The following CBLB variants were observed in gnomAD, a reference collection of about 807,000 sequenced individuals.
CBLB encodes the protein Cbl proto-oncogene B, also known as E3 ubiquitin-protein ligase CBL-B.
CBLB carries 31 observed loss-of-function variants against 104.9 expected under a neutral mutation model. The observed-to-expected ratio is 0.30, with a 90% CI of 0.22 to 0.40. CBLB has a LOEUF of 0.40. Among genes scored for constraint, CBLB ranks in the 10% least tolerant of loss-of-function variants. The pLI, the probability that CBLB is intolerant of heterozygous loss-of-function variation, is 1.00. For missense variants in CBLB, 1,062 were observed against 1,214.6 expected (o/e 0.87, Z 1.87); for synonymous variants, 440 against 422.6 (o/e 1.04, Z -0.51).
At chr3:105,670,924 T>A (rs1392018197) in intron 17 of CBLB, 1 of 163,696 alleles carries the variant, frequency 6.1e-6, no homozygotes, top group Non-Finnish European at 1.3e-5. Flanking sequence ...CTTAACATCA[T>A]TGTTGTTAGT....
In CBLB at chr3:105,658,667, C is replaced by A; in HGVS notation, c.*303G>T. 1 of 435,180 alleles carries A rather than the reference C, an allele frequency of 2.3e-6. No individual in the cohort carries two copies. Among genetic ancestry groups the A allele is most frequent in the South Asian group, 3.4e-5 (1 of 29,032 alleles). 27.0% of individuals were successfully genotyped at this position (435,180 alleles called of 1,614,324 possible). A position where few individuals can be genotyped will look rare whatever the true frequency, so the allele number is the denominator to read the frequency against. ...AAACAAGAACAAACTGCAACTTTGCCAAACTGTAAACAAGGTAAAGCATTT... is the reference window on the plus strand; with the variant it reads ...AAACAAGAACAAACTGCAACTTTGCAAAACTGTAAACAAGGTAAAGCATTT... On this transcript the variant is annotated 3_prime_UTR_variant, in exon 19 of 19. Coordinates refer to ENST00000394030, the MANE Select transcript of CBLB (RefSeq NM_170662.5).
chr3:105,668,771 T>C (rs1352649569), intron 18 of CBLB, among the ~76,000 whole-genome samples: 2 of 152,186 alleles, frequency 1.3e-5, no homozygotes, highest in African/African-American at 4.8e-5. Context: ...CAGGGATTTC[T>C]GCATCTCCCA....
In CBLB at chr3:105,720,159, C is replaced by G; in HGVS notation, c.1295G>C (p.Gly432Ala). Residue 432 changes from glycine (G) to alanine (A), a missense_variant, in exon 10 of 19, where the codon GGC (glycine) becomes GCC (alanine). Physicochemically the swap from Gly to Ala is moderately conservative, Grantham distance 60. Transcript: ENST00000394030. Reference sequence around the variant, plus strand: ...GTCAATGATGCTGCAACACCTGGAGCCTTCATCTCTTGGATCAAAGGGGTC... The same window carrying G: ...GTCAATGATGCTGCAACACCTGGAGGCTTCATCTCTTGGATCAAAGGGGTC... ...IVDPFDPRDEGSRCCSIIDPF... is the reference protein window; with the variant it reads ...IVDPFDPRDEASRCCSIIDPF... 6.2e-7 allele frequency: 1 copy of G among 1,613,878 alleles called. No homozygotes were observed. Among genetic ancestry groups the G allele is most frequent in the Non-Finnish European group, 8.5e-7 (1 of 1,179,900 alleles).
chr3:105,853,380 C>T (rs1560536050), intron 3 of CBLB, 34 bp downstream of exon 3: 1 of 1,610,346 alleles, frequency 6.2e-7, no homozygotes, highest in South Asian at 1.1e-5. Flanking sequence ...CATAAATGAC[C>T]TTTACACCAA....
intron 13 of CBLB, among the ~76,000 whole-genome samples, chr3:105,691,048 G>C (rs1482275959): frequency 6.6e-6 from 1 of 152,164 alleles, no homozygotes; most frequent in Admixed American, 6.5e-5. Context: ...AATAAAAAAT[G>C]TCAAAATGTT....
chr3:105,863,090 T>G (rs2092223343), intron 2 of CBLB, among the ~76,000 whole-genome samples: 1 of 152,186 alleles, frequency 6.6e-6, no homozygotes, highest in Non-Finnish European at 1.5e-5. Context: ...AGAAATAGAT[T>G]CAAAATCTCA....
At chr3:105,673,696 T>C (rs1360144497) in intron 17 of CBLB, 1 of 152,220 alleles carries the variant, frequency 6.6e-6, no homozygotes, top group East Asian at 1.9e-4. Context: ...CAGTGTCAGA[T>C]AACTCACTAC....
intron 4 of CBLB, among the ~76,000 whole-genome samples, chr3:105,757,908 T>C (rs1425998400): frequency 6.6e-6 from 1 of 152,198 alleles, no homozygotes; most frequent in African/African-American, 2.4e-5. Flanking sequence ...TGTCAGAAAA[T>C]TCACCTTGAT....
intron 3 of CBLB, among the ~76,000 whole-genome samples, chr3:105,825,179 C>G (rs1312605389): frequency 2.6e-5 from 4 of 152,156 alleles, no homozygotes; most frequent in African/African-American, 9.7e-5. Flanking sequence ...CACTGAGAGC[C>G]TGTAACATAT....
chr3:105,862,863 T>C (rs745339500), intron 2 of CBLB, among the ~76,000 whole-genome samples: 2 of 152,064 alleles, frequency 1.3e-5, no homozygotes, highest in African/African-American at 2.4e-5. Flanking sequence ...ACCTCCTCCA[T>C]GCTTCATTCT....
chr3:105,782,851 C>T (rs1208866215), intron 3 of CBLB, among the ~76,000 whole-genome samples: 1 of 152,108 alleles, frequency 6.6e-6, no homozygotes, highest in South Asian at 2.1e-4. Context: ...GGATTACAGG[C>T]GTGAGCCAAC....
intron 4 of CBLB, among the ~76,000 whole-genome samples, chr3:105,771,833 G>A (rs1020448636): frequency 1.3e-5 from 2 of 152,032 alleles, no homozygotes; most frequent in Non-Finnish European, 2.9e-5. Context: ...TAACCAAGGA[G>A]GTGAAAGATC....
chr3:105,656,756 T>C lies in CBLB; in HGVS notation c.*2214A>G. ...TCTCTAACATTCTTATTTTACATCA[T>C]TCTCTAATATATTAGGAATGTTGCA... On this transcript the variant is annotated 3_prime_UTR_variant, in exon 19 of 19. Coordinates refer to ENST00000394030, the MANE Select transcript of CBLB (RefSeq NM_170662.5). 5.1e-6 allele frequency: 1 copy of C among 196,450 alleles called. No homozygotes were observed. Among genetic ancestry groups the C allele is most frequent in the East Asian group, 8.0e-5 (1 of 12,504 alleles). The allele number at this position is 196,450 out of a possible 1,614,324, so 12.2% of individuals were successfully genotyped here. A position where few individuals can be genotyped will look rare whatever the true frequency, so the allele number is the denominator to read the frequency against.
At chr3:105,686,449 AG>A (rs2067013361) in intron 13 of CBLB, among the ~76,000 whole-genome samples, 1 of 149,786 alleles carries the variant, frequency 6.7e-6, no homozygotes, top group South Asian at 2.1e-4. Context: ...TTAAAAAGGA[AG>A]GAAAAAAAAA....
intron 9 of CBLB, among the ~76,000 whole-genome samples, chr3:105,733,578 C>T (rs528267782): frequency 3.7e-4 from 56 of 152,218 alleles, no homozygotes; most frequent in African/African-American, 1.0e-3. Flanking sequence ...TTCAGCACTA[C>T]GGAGCATATG....
intron 1 of CBLB, chr3:105,868,230 A>C: frequency 8.1e-7 from 1 of 1,232,358 alleles, no homozygotes; most frequent in Non-Finnish European, 1.0e-6. Flanking sequence ...TAACACACAA[A>C]TAGCCCATTT....
At chr3:105,771,781 C>T (rs1350331248) in intron 4 of CBLB, among the ~76,000 whole-genome samples, 1 of 151,976 alleles carries the variant, frequency 6.6e-6, no homozygotes, top group Non-Finnish European at 1.5e-5. Flanking sequence ...ATCCCCTTTG[C>T]AACAGCTGAA....
intron 18 of CBLB, among the ~76,000 whole-genome samples, chr3:105,668,948 T>C (rs146757077): frequency 6.6e-6 from 1 of 152,306 alleles, no homozygotes; most frequent in South Asian, 2.1e-4. Context: ...AAAGTTCATA[T>C]AGGAAAACTT....
At chr3:105,682,154 G>T (rs1487425828) in intron 14 of CBLB, 1 of 253,260 alleles carries the variant, frequency 3.9e-6, no homozygotes, top group African/African-American at 2.3e-5. Flanking sequence ...AGTAAAAAAA[G>T]ATGTATGTGC....
Sources: allele counts gnomAD v4.1 joint callset (sites outside exome capture counted in the v4.1 genomes callset), GRCh38; gene constraint gnomAD v4.1.1; transcripts MANE v1.5; gene names NCBI Gene and HGNC (gene_info 2026-07-23, HGNC 2026-07-21).